Variants in TAP2 observed in about 807,000 individuals in gnomAD.
TAP2 encodes the protein antigen peptide transporter 2.
TAP2 carries 49 observed loss-of-function variants against 74.7 expected under a neutral mutation model. The ratio of observed to expected loss-of-function variants is 0.66; its 90% CI spans 0.52 to 0.83. TAP2 has a LOEUF of 0.83. Among genes scored for constraint, TAP2 ranks in the 40% least tolerant of loss-of-function variants. The pLI, the probability that TAP2 is intolerant of heterozygous loss-of-function variation, is 0.00. For missense variants in TAP2, 739 were observed against 859.0 expected (o/e 0.86, Z 1.75); for synonymous variants, 306 against 368.4 (o/e 0.83, Z 1.94).
At chr6:32,822,936 T>C (rs567274380), downstream of TAP2, among the ~76,000 whole-genome samples, 66 of 135,980 alleles carry the variant, frequency 4.9e-4, 3 homozygotes, top group East Asian at 0.014. Context: ...TTTTTTTTTT[T>C]TGAGGCAGAG....
chr6:32,827,265 T>C lies in TAP2; in HGVS notation c.*1641A>G, dbSNP rs1019061827. On this transcript the variant is annotated 3_prime_UTR_variant, in exon 12 of 12. Coordinates refer to ENST00000374897, the MANE Select transcript of TAP2 (RefSeq NM_001290043.2). ...CCAACAACCAGTGATGTGTACAATG[T>C]TGCATTTTCAGTGGTGGGAGTGGGC... 1.0e-5 allele frequency: 10 copies of C among 985,342 alleles called. No homozygotes were observed. The highest frequency in any genetic ancestry group is 1.2e-5 in the Non-Finnish European group (10 of 829,946). 61.0% of individuals were successfully genotyped at this position (985,342 alleles called of 1,614,324 possible). A position where few individuals can be genotyped will look rare whatever the true frequency, so the allele number is the denominator to read the frequency against.
At position 32,838,090 on chromosome 6, in the gene TAP2, C is replaced by T. The variant is rs556618855; in HGVS notation, c.144G>A (p.Gly48=). Residue 48 remains glycine (G), a synonymous_variant, in exon 2 of 12, where the codon GGG becomes GGA. Coordinates refer to ENST00000374897, the MANE Select transcript of TAP2 (RefSeq NM_001290043.2). ...LWLEGTLRLG[G]LWGLLKLRGL... The stretch of plus-strand genomic sequence containing the variant: ...CTCTTAGCTTTAGCAGCCCCCACAG[C>T]CCTCCCAGCCGCAGGGTCCCCTCCA... The T allele has an allele frequency of 5.6e-6, 9 of 1,612,162 alleles. No individual in the cohort carries two copies. The Admixed American group carries it at 1.5e-4, about 27-fold the overall frequency.
Position 32,832,662 on chromosome 6 carries a change from C to T in TAP2, c.1108G>A (p.Asp370Asn), listed in dbSNP as rs1450395440. The change falls in exon 6 of 12, where the codon GAC becomes AAC. Residue 370 changes from aspartate (D) to asparagine (N), a missense_variant. Transcript: ENST00000374897. The surrounding 1 kb of genome is among the most constrained non-coding windows in gnomAD (Gnocchi z 5.9). Reference protein sequence around the residue: ...EQCRQLYWRRDLERALYLLVR... With the variant: ...EQCRQLYWRRNLERALYLLVR... ...AGCAGGTACAAGGCGCGTTCCAGGT[C>T]TCTCCGCCAATACAGCTGCCGACAT... 3 of 1,612,980 alleles carry T rather than the reference C, an allele frequency of 1.9e-6. No homozygotes were observed. Among genetic ancestry groups the T allele is most frequent in the Non-Finnish European group, 2.5e-6 (3 of 1,180,052 alleles).
rs187588839 is a variant in TAP2, at chr6:32,829,699, C to T, written c.1796-163G>A. ...GGAGGGCCATGGGGTGGGGACCTGA[C>T]GGGGCTGCCCACGGAGGGAGCACCA... On this transcript the variant is annotated intron_variant, in intron 10 of 11. Coordinates refer to ENST00000374897, the MANE Select transcript of TAP2 (RefSeq NM_001290043.2). 7.2e-5 allele frequency among the ~76,000 whole-genome samples: 11 copies of T among 152,198 alleles called. No homozygotes were observed. In the East Asian group the frequency reaches 1.9e-3, roughly 27 times the overall value.
chr6:32,836,919 G>T (rs1485436491), intron 3 of TAP2, among the ~76,000 whole-genome samples: 1 of 152,234 alleles, frequency 6.6e-6, no homozygotes, highest in African/African-American at 2.4e-5. Context: ...TTTGGGTAAG[G>T]TGAGTGCACA....
At position 32,835,021 on chromosome 6, in the gene TAP2, T is replaced by G; in HGVS notation, c.945+133A>C. 1.1e-6 allele frequency: 1 copy of G among 927,138 alleles called. No homozygotes were observed. The highest frequency in any genetic ancestry group is 1.7e-6 in the Non-Finnish European group (1 of 583,466). The allele number at this position is 927,138 out of a possible 1,614,324, so 57.4% of individuals were successfully genotyped here. ...TGGACAAACAAAATGTAGTATATACTACAATATACCTTCTCCCCTAATGGC... is the reference window on the plus strand; with the variant it reads ...TGGACAAACAAAATGTAGTATATACGACAATATACCTTCTCCCCTAATGGC... On this transcript the variant is annotated intron_variant, in intron 5 of 11. Coordinates refer to ENST00000374897, the MANE Select transcript of TAP2 (RefSeq NM_001290043.2). The surrounding 1 kb of genome is among the most constrained non-coding windows in gnomAD (Gnocchi z 4.0).
At chr6:32,834,738 T>C (rs1168494475) in intron 5 of TAP2, among the ~76,000 whole-genome samples, 1 of 152,244 alleles carries the variant, frequency 6.6e-6, no homozygotes, top group Non-Finnish European at 1.5e-5. Flanking sequence ...CTCCTTTCCC[T>C]ATGCTGCATC....
Position 32,830,023 on chromosome 6 carries a change from G to C in TAP2, c.1702C>G (p.Leu568Val). ...ACCTTATCATCTTCGCAGCTCTGCA[G>C]CCCATAAGCAATGTTGTTCCTCACA... ...GSVRNNIAYG[L>V]QSCEDDKVMA... Residue 568 changes from leucine (L) to valine (V), a missense_variant, in exon 10 of 12, where the codon CTG becomes GTG. Leu to Val is a conservative substitution (Grantham distance 32). Transcript: ENST00000374897. The C allele has an allele frequency of 6.2e-7, 1 of 1,613,128 alleles. No individual in the cohort carries two copies. Among genetic ancestry groups the C allele is most frequent in the Admixed American group, 1.7e-5 (1 of 60,024 alleles).
At position 32,830,748 on chromosome 6, in the gene TAP2, A is replaced by C. The variant is rs1769021961; in HGVS notation, c.1331T>G (p.Phe444Cys). 20 of 1,612,950 alleles carry C rather than the reference A, an allele frequency of 1.2e-5. No homozygotes were observed. The highest frequency in any genetic ancestry group is 1.7e-5 in the Non-Finnish European group (20 of 1,179,984). The change falls in exon 8 of 12, where the codon TTC becomes TGC. Residue 444 changes from phenylalanine to cysteine, a missense_variant. Transcript: ENST00000374897. The stretch of plus-strand genomic sequence containing the variant: ...ATTTGGCTGTCGGTCCATGTAGGAG[A>C]AAACCTTCTCTGCAGCTCCCACGTT... ...LSNVGAAEKV[F>C]SYMDRQPNLP...
rs1400609241 is a variant in TAP2 at position 32,826,784 on chromosome 6, G to A, written c.*2122C>T. On this transcript the variant is annotated 3_prime_UTR_variant, in exon 12 of 12. Transcript: ENST00000374897. ...GCATTATTTTTAAGATGCCTTCCAG[G>A]CTTAAAGTATTATGATGCATGGGTA... is the stretch of plus-strand genomic sequence containing the variant. 1.0e-6 allele frequency: 1 copy of A among 985,256 alleles called. No individual in the cohort carries two copies. The highest frequency in any genetic ancestry group is 1.1e-4 in the East Asian group (1 of 8,830). The allele number at this position is 985,256 out of a possible 1,614,324, so 61.0% of individuals were successfully genotyped here.
Position 32,829,041 on chromosome 6 carries a change from G to C in TAP2, c.1933-7C>G. Reference sequence around the variant, plus strand: ...GGGAATTCCAGTCCTGCAGCTGAAGGGGTGATCACAGTGCCTCAGAAAGAC... The same window carrying C: ...GGGAATTCCAGTCCTGCAGCTGAAGCGGTGATCACAGTGCCTCAGAAAGAC... On this transcript the variant is annotated splice_polypyrimidine_tract_variant and splice_region_variant and intron_variant, in intron 11 of 11. Coordinates refer to ENST00000374897, the MANE Select transcript of TAP2 (RefSeq NM_001290043.2). The C allele has an allele frequency of 6.5e-7, 1 of 1,544,316 alleles. No individual in the cohort carries two copies. The highest frequency in any genetic ancestry group is 8.7e-7 in the Non-Finnish European group (1 of 1,144,144).
At position 32,825,929 on chromosome 6, in the gene TAP2, G is replaced by T. The variant is rs73738923; in HGVS notation, c.*2977C>A. ...TCTTGAAAAATAAGGTAAGAAGACA[G>T]GTTTCAGATACTTGGCACAGCAATA... is the stretch of plus-strand genomic sequence containing the variant. On this transcript the variant is annotated 3_prime_UTR_variant, in exon 12 of 12. Coordinates refer to ENST00000374897, the MANE Select transcript of TAP2 (RefSeq NM_001290043.2). 0.028 allele frequency: 25,989 copies of T among 913,266 alleles called. 1,021 individuals are homozygous for T. Among genetic ancestry groups the T allele is most frequent in the African/African-American group, 0.18 (9,745 of 55,428 alleles). The allele number at this position is 913,266 out of a possible 1,614,324, so 56.6% of individuals were successfully genotyped here. A position where few individuals can be genotyped will look rare whatever the true frequency, so the allele number is the denominator to read the frequency against.
chr6:32,830,946 AATT>A, intron 7 of TAP2, 140 bp from the exon 8 acceptor site: 1 of 845,940 alleles, frequency 1.2e-6, no homozygotes. Context: ...TTAAATGTAC[AATT>A]TGGACGGAAT....
At position 32,832,598 on chromosome 6, in the gene TAP2, C is replaced by A. The variant is rs763412594; in HGVS notation, c.1143+29G>T. 6.2e-7 allele frequency: 1 copy of A among 1,613,076 alleles called. No individual in the cohort carries two copies. The highest frequency in any genetic ancestry group is 1.7e-5 in the Admixed American group (1 of 60,026). On this transcript the variant is annotated intron_variant, in intron 6 of 11. Transcript: ENST00000374897. The surrounding 1 kb of genome is among the most constrained non-coding windows in gnomAD (Gnocchi z 5.9). The stretch of plus-strand genomic sequence containing the variant: ...TCCCTTGCCCTCCCCCTTTCCTGGG[C>A]TCCTTTCACAACCACTCTGGTATCT...
chr6:32,829,299 A>G, intron 11 of TAP2, 101 bp downstream of exon 11: 7 of 1,519,972 alleles, frequency 4.6e-6, no homozygotes, highest in Non-Finnish European at 6.2e-6. Flanking sequence ...TGTTTCCACT[A>G]GTAGGTCCTT....
intron 1 of TAP2, 41 bp from the exon 2 acceptor site, chr6:32,838,278 C>T (rs376953480): frequency 4.6e-6 from 7 of 1,515,888 alleles, no homozygotes; most frequent in Non-Finnish European, 6.1e-6. Context: ...GGGGTGGAGT[C>T]CCAATCCTTG....
At chr6:32,834,604 G>A (rs1769293141) in intron 5 of TAP2, among the ~76,000 whole-genome samples, 2 of 152,298 alleles carry the variant, frequency 1.3e-5, no homozygotes, top group South Asian at 2.1e-4. Flanking sequence ...TTTCCTAAAT[G>A]TCACTGAACT....
Position 32,835,417 on chromosome 6 carries a change from GA to G in TAP2, c.740-59del. 3.2e-6 allele frequency: 5 copies of G among 1,583,742 alleles called. No homozygotes were observed. The highest frequency in any genetic ancestry group is 4.3e-6 in the Non-Finnish European group (5 of 1,155,462). ...AACCATGTGTACTGCAGGGCCCCCA[GA>G]AACTCCCTCCTGACCGTTCCCTCTG... On this transcript the variant is annotated intron_variant, in intron 4 of 11. Transcript: ENST00000374897. The surrounding 1 kb of genome is among the most constrained non-coding windows in gnomAD (Gnocchi z 4.0).
In TAP2 at chr6:32,830,091, T is replaced by G; in HGVS notation, c.1636-2A>C. ...AGGCTCCTGCCCAACTGAAACCACC[T>G]GTGCAGCAGGGACAGGGGCAGAGGA... On this transcript the variant is annotated splice_acceptor_variant, in intron 9 of 11. Transcript: ENST00000374897. LOFTEE classifies it high-confidence loss of function. 6.2e-7 allele frequency: 1 copy of G among 1,613,034 alleles called. No homozygotes were observed.
Sources: allele counts gnomAD v4.1 joint callset (sites outside exome capture counted in the v4.1 genomes callset), GRCh38; gene constraint gnomAD v4.1.1; non-coding constraint Gnocchi (gnomAD v3.1); transcripts MANE v1.5; gene names NCBI Gene and HGNC (gene_info 2026-07-23, HGNC 2026-07-21).